PTPRF: variants seen among roughly 807,000 people sequenced by gnomAD.
The protein encoded by PTPRF is receptor-type tyrosine-protein phosphatase F.
In PTPRF, 59 loss-of-function variants were observed where a neutral mutation model predicts 201.8. That is an observed-to-expected ratio of 0.29 (90% CI 0.24 to 0.36). PTPRF has a LOEUF of 0.36. Ranked by LOEUF, PTPRF falls within the 10% of genes least tolerant of loss-of-function variation. The pLI, the probability that PTPRF is intolerant of heterozygous loss-of-function variation, is 1.00. For missense variants in PTPRF, 2,132 were observed against 2,690.5 expected, an observed-to-expected ratio of 0.79 and a Z score of 4.59; for synonymous variants, 1,088 against 1,089.7, an observed-to-expected ratio of 1.00 and a Z score of 0.03.
At chr1:43,612,510 G>A (rs1656691886) in intron 22 of PTPRF, among the ~76,000 whole-genome samples, 1 of 152,132 alleles carries the variant, frequency 6.6e-6, no homozygotes, top group East Asian at 1.9e-4. Flanking sequence ...CAAGGCTGCC[G>A]AGCCACCAGG....
chr1:43,581,498 T>C (rs897868797), intron 7 of PTPRF, among the ~76,000 whole-genome samples: 2 of 152,234 alleles, frequency 1.3e-5, no homozygotes, highest in African/African-American at 4.8e-5. Flanking sequence ...TAGGCCCTAC[T>C]GTCCTACTGA....
intron 7 of PTPRF, among the ~76,000 whole-genome samples, chr1:43,584,812 C>T (rs984776786): frequency 2.0e-5 from 3 of 152,230 alleles, no homozygotes; most frequent in African/African-American, 7.2e-5. Flanking sequence ...TGCCCCTCAT[C>T]CCCTCCTTAA....
At chr1:43,599,768 A>G (rs1386379313) in intron 13 of PTPRF, among the ~76,000 whole-genome samples, 3 of 152,146 alleles carry the variant, frequency 2.0e-5, no homozygotes, top group Non-Finnish European at 4.4e-5. Flanking sequence ...ATTATTCAGC[A>G]AGTAGGTGGC....
chr1:43,533,677 T>C (rs929094624), intron 1 of PTPRF, among the ~76,000 whole-genome samples: 1 of 152,154 alleles, frequency 6.6e-6, no homozygotes, highest in African/African-American at 2.4e-5. Context: ...CCAAGGGAAC[T>C]GTGTGGCAGT....
At chr1:43,615,858 C>T (rs923444781) in intron 23 of PTPRF, among the ~76,000 whole-genome samples, 6 of 152,168 alleles carry the variant, frequency 3.9e-5, no homozygotes, top group African/African-American at 1.4e-4. Context: ...AGCCACTGCA[C>T]CAGGCCTGCT....
At position 43,553,950 on chromosome 1, in the gene PTPRF, T is replaced by C. The variant is rs1298778942; in HGVS notation, c.379+9T>C. 6.2e-7 allele frequency: 1 copy of C among 1,613,424 alleles called. No individual in the cohort carries two copies. Among genetic ancestry groups the C allele is most frequent in the Non-Finnish European group, 8.5e-7 (1 of 1,179,498 alleles). The stretch of plus-strand genomic sequence containing the variant: ...GCTCTCAGTGCTCGAAGGTACGTGC[T>C]AGGGAGACGTGGCACGGTGGGCTGC... On this transcript the variant is annotated intron_variant, in intron 5 of 33. Transcript: ENST00000359947. This position sits in a 1 kb window ranked among gnomAD's most constrained non-coding sequence, Gnocchi z 4.1.
In PTPRF at chr1:43,542,230, G is replaced by A. The variant is rs796735168; in HGVS notation, c.-45-2801G>A. On this transcript the variant is annotated intron_variant, in intron 2 of 33. Transcript: ENST00000359947. The surrounding 1 kb of genome is among the most constrained non-coding windows in gnomAD (Gnocchi z 5.2). ...TGACACCAGGGCAGGCTCTGTGCCC[G>A]GAGTCTCAGGGCGGGAGGCAGCTTG... Among the ~76,000 whole-genome samples the A allele has an allele frequency of 1.2e-3, 180 of 152,286 alleles. No homozygotes were observed. Among genetic ancestry groups the A allele is most frequent in the African/African-American group, 4.1e-3 (172 of 41,544 alleles).
At position 43,606,251 on chromosome 1, in the gene PTPRF, C is replaced by G; in HGVS notation, c.3495C>G (p.Ala1165=). The change falls in exon 20 of 34, where the codon GCC becomes GCG. Residue 1165 remains alanine (A), a synonymous_variant. Coordinates refer to ENST00000359947, the MANE Select transcript of PTPRF (RefSeq NM_002840.5). Reference sequence around the variant, plus strand: ...CTCTGCTCTGCCAGCTTCTAGAAGCCATCGAGCAAGGCGGAGAGGAGCAGC... The same window carrying G: ...CTCTGCTCTGCCAGCTTCTAGAAGCGATCGAGCAAGGCGGAGAGGAGCAGC... The part of the protein sequence containing the change: ...EELELDELLE[A]IEQGGEEQRR... 6.2e-7 allele frequency: 1 copy of G among 1,613,078 alleles called. No individual in the cohort carries two copies. The highest frequency in any genetic ancestry group is 8.5e-7 in the Non-Finnish European group (1 of 1,179,786).
At chr1:43,549,862 CAAAA>C (rs765642445) in intron 3 of PTPRF, among the ~76,000 whole-genome samples, 4 of 129,236 alleles carry the variant, frequency 3.1e-5, no homozygotes, top group Non-Finnish European at 5.0e-5. Context: ...ACCCCCCTCT[CAAAA>C]AAAAAAAAGA....
chr1:43,605,818 G>A (rs186990503), intron 19 of PTPRF, among the ~76,000 whole-genome samples, 196 bp downstream of exon 19: 6 of 152,336 alleles, frequency 3.9e-5, no homozygotes, highest in Admixed American at 3.9e-4. Context: ...AACTCCCGGA[G>A]GGCTTACGAA....
At chr1:43,538,160 A>G (rs1046423248) in intron 1 of PTPRF, 38 bp from the exon 2 acceptor site, 2 of 398,414 alleles carry the variant, frequency 5.0e-6, no homozygotes, top group African/African-American at 4.1e-5. Flanking sequence ...GTTGTGATGA[A>G]ATTCTTGATG....
intron 3 of PTPRF, among the ~76,000 whole-genome samples, chr1:43,552,118 A>G (rs1645074129): frequency 6.6e-6 from 1 of 151,962 alleles, no homozygotes; most frequent in Admixed American, 6.6e-5. Context: ...AAAAAAAGAA[A>G]AAAAAAATTC....
At chr1:43,576,467 A>G (rs548795147) in intron 6 of PTPRF, among the ~76,000 whole-genome samples, 1 of 152,298 alleles carries the variant, frequency 6.6e-6, no homozygotes, top group East Asian at 1.9e-4. Context: ...AGGTGCTAGG[A>G]TGACAACAGG....
chr1:43,569,139 G>T (rs1646389042), intron 5 of PTPRF, among the ~76,000 whole-genome samples: 1 of 152,174 alleles, frequency 6.6e-6, no homozygotes. Flanking sequence ...TGTGTGTGCG[G>T]ACAGGGGAGA....
At chr1:43,550,210 G>A (rs1362265214) in intron 3 of PTPRF, among the ~76,000 whole-genome samples, 2 of 152,190 alleles carry the variant, frequency 1.3e-5, no homozygotes, top group Non-Finnish European at 2.9e-5. Flanking sequence ...GAGTTGTTCT[G>A]CCTCCTCGAT....
rs780240989 is a variant in PTPRF, at chr1:43,591,889, C to G, written c.1609C>G (p.Gln537Glu). Residue 537 changes from glutamine (Q) to glutamate (E), a missense_variant, in exon 10 of 34, where the codon CAG becomes GAG. By Grantham distance (29) the Gln-to-Glu change is conservative (BLOSUM62 2). Transcript: ENST00000359947. ...RIQLSWLLPP[Q>E]ERIIMYELVY... ...CCAGCTCTCGTGGCTGCTGCCCCCT[C>G]AGGAGCGGATCATCATGTATGAACT... The G allele has an allele frequency of 6.2e-7, 1 of 1,613,498 alleles. No homozygotes were observed. Among genetic ancestry groups the G allele is most frequent in the Non-Finnish European group, 8.5e-7 (1 of 1,180,022 alleles).
chr1:43,540,692 C>A (rs557058304), intron 2 of PTPRF, among the ~76,000 whole-genome samples: 66 of 152,340 alleles, frequency 4.3e-4, no homozygotes, highest in African/African-American at 1.5e-3. Flanking sequence ...CAGGGTGGGA[C>A]TCAGTCCAGC....
rs569261497 is a variant in PTPRF, at chr1:43,579,339, G to A, written c.679+419G>A. ...TCAGTACATCCTCCTGCCTGCCGCA[G>A]CATGGTGGGCTCCAGAACCACCATG... On this transcript the variant is annotated intron_variant, in intron 7 of 33. Coordinates refer to ENST00000359947, the MANE Select transcript of PTPRF (RefSeq NM_002840.5). 660 of 402,534 alleles carry A rather than the reference G, an allele frequency of 1.6e-3. 12 individuals are homozygous for A. The highest frequency in any genetic ancestry group is 0.012 in the South Asian group (631 of 54,228). The allele number at this position is 402,534 out of a possible 1,614,324, so 24.9% of individuals were successfully genotyped here. A position where few individuals can be genotyped will look rare whatever the true frequency, so the allele number is the denominator to read the frequency against.
At chr1:43,573,684 C>A (rs1324960813) in intron 6 of PTPRF, among the ~76,000 whole-genome samples, 2 of 152,252 alleles carry the variant, frequency 1.3e-5, no homozygotes, top group Non-Finnish European at 2.9e-5. Context: ...GAATACACCC[C>A]TAAGGATGCT....
Sources: allele counts gnomAD v4.1 joint callset (sites outside exome capture counted in the v4.1 genomes callset), GRCh38; gene constraint gnomAD v4.1.1; non-coding constraint Gnocchi (gnomAD v3.1); transcripts MANE v1.5; gene names NCBI Gene and HGNC (gene_info 2026-07-23, HGNC 2026-07-21).